Variants in FNDC3A observed in about 807,000 individuals in gnomAD.
FNDC3A encodes the protein fibronectin type III domain containing 3A, also known as fibronectin type-III domain-containing protein 3A.
A neutral mutation model predicts 148.9 loss-of-function variants in FNDC3A; 32 were observed. The ratio of observed to expected loss-of-function variants is 0.21; its 90% CI spans 0.16 to 0.29. The LOEUF (loss-of-function observed/expected upper bound fraction) is 0.29, where lower values mean the gene tolerates loss of function less well. Among genes scored for constraint, FNDC3A ranks in the 10% least tolerant of loss-of-function variants. The probability of loss-of-function intolerance (pLI) is 1.00; values close to 1 mark genes in which losing one functional copy is unlikely to be tolerated. For synonymous variants in FNDC3A, 472 were observed against 473.6 expected (o/e 1.00, Z 0.04); for missense variants, 1,191 against 1,452.8 (o/e 0.82, Z 2.93).
intron 8 of FNDC3A, among the ~76,000 whole-genome samples, chr13:49,160,334 G>T (rs560080979): frequency 4.4e-4 from 67 of 152,146 alleles, no homozygotes; most frequent in African/African-American, 1.5e-3. Flanking sequence ...ACTTCTTCCT[G>T]GTTTAGTCTT....
intron 3 of FNDC3A, among the ~76,000 whole-genome samples, chr13:49,080,871 T>C (rs1878422842): frequency 6.6e-6 from 1 of 152,182 alleles, no homozygotes; most frequent in African/African-American, 2.4e-5. Context: ...CTAGATATCA[T>C]CTGTTCTGTG....
At chr13:49,072,833 ATT>A (rs1877791393) in intron 2 of FNDC3A, among the ~76,000 whole-genome samples, 1 of 142,318 alleles carries the variant, frequency 7.0e-6, no homozygotes, top group Non-Finnish European at 1.6e-5. Flanking sequence ...CCTTTACTAA[ATT>A]TGTTTGTCAG....
chr13:49,148,549 G>A (rs1311561062), intron 8 of FNDC3A, among the ~76,000 whole-genome samples: 5 of 152,110 alleles, frequency 3.3e-5, no homozygotes. Context: ...TCTCTATTGT[G>A]TTCCTTAGTT....
At chr13:49,116,376 T>G (rs747174424) in intron 4 of FNDC3A, among the ~76,000 whole-genome samples, 5 of 152,230 alleles carry the variant, frequency 3.3e-5, no homozygotes, top group Non-Finnish European at 7.3e-5. Context: ...AAATATGTAT[T>G]GAGTGTTTAT....
intron 1 of FNDC3A, among the ~76,000 whole-genome samples, chr13:48,997,251 C>T (rs902344778): frequency 6.6e-6 from 1 of 152,102 alleles, no homozygotes. Flanking sequence ...GAGCTATCTA[C>T]CTTAGTTTCT....
intron 2 of FNDC3A, among the ~76,000 whole-genome samples, chr13:49,008,794 C>T (rs916062305): frequency 3.3e-5 from 5 of 152,088 alleles, no homozygotes; most frequent in African/African-American, 9.6e-5. Flanking sequence ...AGCTTATGAA[C>T]CTTTTTTTGT....
intron 23 of FNDC3A, 25 bp downstream of exon 23, chr13:49,198,599 A>AT: frequency 6.4e-7 from 1 of 1,550,948 alleles, no homozygotes; most frequent in Non-Finnish European, 8.9e-7. Flanking sequence ...TTGCTTCTTT[A>AT]TATAGTTTCT....
chr13:49,000,371 T>C (rs528209735), intron 1 of FNDC3A, among the ~76,000 whole-genome samples: 1 of 152,336 alleles, frequency 6.6e-6, no homozygotes, highest in East Asian at 1.9e-4. Context: ...GCACTCTCGT[T>C]GAAGATTATT....
At chr13:48,993,292 C>G (rs1951953882) in intron 1 of FNDC3A, among the ~76,000 whole-genome samples, 1 of 152,116 alleles carries the variant, frequency 6.6e-6, no homozygotes, top group Admixed American at 6.5e-5. Flanking sequence ...ATCAGCCTAA[C>G]CTGGGAACTT....
intron 3 of FNDC3A, among the ~76,000 whole-genome samples, chr13:49,110,087 G>A (rs962758999): frequency 5.3e-5 from 8 of 152,142 alleles, no homozygotes; most frequent in Non-Finnish European, 1.2e-4. Context: ...ACTTTGATGA[G>A]CTTTTGAATT....
At chr13:49,109,661 G>C (rs1452388580) in intron 3 of FNDC3A, among the ~76,000 whole-genome samples, 1 of 152,122 alleles carries the variant, frequency 6.6e-6, no homozygotes, top group Non-Finnish European at 1.5e-5. Context: ...TGTCTTTTCA[G>C]ATTCGTGGAT....
intron 2 of FNDC3A, among the ~76,000 whole-genome samples, chr13:49,043,266 G>C (rs2137691312): frequency 6.6e-6 from 1 of 152,110 alleles, no homozygotes; most frequent in East Asian, 1.9e-4. Context: ...GACCCATCCT[G>C]CAAACATATT....
intron 2 of FNDC3A, among the ~76,000 whole-genome samples, chr13:49,064,401 G>GGCCCCCCGGC (rs1208279185): frequency 1.6e-5 from 1 of 60,768 alleles, no homozygotes; most frequent in African/African-American, 5.6e-5. Context: ...ATTGCCCCCC[G>GGCCCCCCGGC]CCCCCCCCCC....
At chr13:49,128,028 C>T (rs1369358804) in intron 4 of FNDC3A, among the ~76,000 whole-genome samples, 2 of 152,074 alleles carry the variant, frequency 1.3e-5, no homozygotes, top group African/African-American at 2.4e-5. Context: ...ACTACAGGTG[C>T]GTGCCACCAT....
chr13:48,993,810 A>G (rs904414771), intron 1 of FNDC3A, among the ~76,000 whole-genome samples: 9 of 152,200 alleles, frequency 5.9e-5, no homozygotes, highest in Non-Finnish European at 1.3e-4. Context: ...AAAAATCCTC[A>G]TAATATAAAA....
intron 2 of FNDC3A, among the ~76,000 whole-genome samples, chr13:49,029,446 C>CT (rs1555280751): frequency 6.6e-6 from 1 of 152,090 alleles, no homozygotes; most frequent in Non-Finnish European, 1.5e-5. Context: ...TACGTATACC[C>CT]TTAAAAGCCT....
intron 3 of FNDC3A, among the ~76,000 whole-genome samples, chr13:49,102,627 A>G (rs1249943260): frequency 1.3e-5 from 2 of 152,220 alleles, no homozygotes; most frequent in Non-Finnish European, 2.9e-5. Context: ...CCTTTTGGTT[A>G]TAGTGAGGAC....
chr13:49,137,498 C>T (rs1256776320), intron 6 of FNDC3A, among the ~76,000 whole-genome samples: 2 of 152,164 alleles, frequency 1.3e-5, no homozygotes, highest in Non-Finnish European at 2.9e-5. Context: ...GCGCATGCCA[C>T]CACGCCCAAC....
rs142486636 is a variant in FNDC3A, at chr13:49,000,672, C to T, written c.-39-5480C>T. On this transcript the variant is annotated intron_variant, in intron 1 of 25. Transcript: ENST00000492622. ...TGCAGATTGCTTTGGATAGTATGGA[C>T]ATTTTAACAATATGAAATCTTTCAC... Among the ~76,000 whole-genome samples, 793 of 152,272 alleles carry T rather than the reference C, an allele frequency of 5.2e-3. 4 individuals are homozygous for T. Among genetic ancestry groups the T allele is most frequent in the Non-Finnish European group, 9.4e-3 (638 of 68,002 alleles).
Sources: allele counts gnomAD v4.1 joint callset (sites outside exome capture counted in the v4.1 genomes callset), GRCh38; gene constraint gnomAD v4.1.1; transcripts MANE v1.5; gene names NCBI Gene and HGNC (gene_info 2026-07-23, HGNC 2026-07-21).